Variants in MLLT3 observed in about 807,000 individuals in gnomAD.
The protein encoded by MLLT3 is protein AF-9.
MLLT3 carries 4 observed loss-of-function variants against 53.2 expected under a neutral mutation model. The observed-to-expected ratio is 0.08, with a 90% CI of 0.04 to 0.17. The LOEUF is 0.17. MLLT3 is among the 10% of genes least tolerant of loss of function. MLLT3 has a pLI of 1.00. For missense variants in MLLT3, 569 were observed against 684.0 expected, an observed-to-expected ratio of 0.83 and a Z score of 1.87; for synonymous variants, 283 against 230.6, an observed-to-expected ratio of 1.23 and a Z score of -2.06.
chr9:20,599,304 CAAAAAA>C (rs56820558), intron 2 of MLLT3, among the ~76,000 whole-genome samples: 1 of 66,670 alleles, frequency 1.5e-5, no homozygotes, highest in Non-Finnish European at 3.4e-5. Context: ...ACTCTGTCTC[CAAAAAA>C]AAAAAAAAAA....
At chr9:20,369,967 T>G (rs561717924) in intron 5 of MLLT3, among the ~76,000 whole-genome samples, 1 of 152,296 alleles carries the variant, frequency 6.6e-6, no homozygotes, top group East Asian at 1.9e-4. Flanking sequence ...GAGGTTCTGA[T>G]TTTTTCCCCT....
intron 4 of MLLT3, among the ~76,000 whole-genome samples, chr9:20,442,366 A>C (rs927667532): frequency 6.6e-6 from 1 of 152,192 alleles, no homozygotes; most frequent in African/African-American, 2.4e-5. Flanking sequence ...ACTCTAAGGA[A>C]TTTATCCTAC....
intron 2 of MLLT3, among the ~76,000 whole-genome samples, chr9:20,597,297 C>T (rs1820297898): frequency 6.6e-6 from 1 of 150,774 alleles, no homozygotes; most frequent in African/African-American, 2.4e-5. Flanking sequence ...TAGGGCCTTA[C>T]AAAGGTGTCT....
At chr9:20,523,829 G>C (rs1040588998) in intron 2 of MLLT3, among the ~76,000 whole-genome samples, 1 of 152,080 alleles carries the variant, frequency 6.6e-6, no homozygotes, top group African/African-American at 2.4e-5. Flanking sequence ...AAATTTGCCA[G>C]GCATTGTGGA....
At chr9:20,613,091 T>C (rs538841247) in intron 2 of MLLT3, among the ~76,000 whole-genome samples, 2 of 152,230 alleles carry the variant, frequency 1.3e-5, no homozygotes, top group East Asian at 3.9e-4. Context: ...CAGAAGAAAT[T>C]AAAGAGAATG....
chr9:20,516,146 C>T (rs1396981272), intron 2 of MLLT3, among the ~76,000 whole-genome samples: 1 of 152,194 alleles, frequency 6.6e-6, no homozygotes, highest in Admixed American at 6.5e-5. Flanking sequence ...TATCTCCTGA[C>T]TCCGCTAAGG....
intron 2 of MLLT3, among the ~76,000 whole-genome samples, chr9:20,501,878 C>T (rs1187938120): frequency 6.7e-6 from 1 of 149,850 alleles, no homozygotes; most frequent in African/African-American, 2.5e-5. Flanking sequence ...ACCAGGAGTT[C>T]GAGACTAGCC....
intron 2 of MLLT3, among the ~76,000 whole-genome samples, chr9:20,537,645 T>G (rs1422271660): frequency 6.6e-6 from 1 of 152,190 alleles, no homozygotes; most frequent in Non-Finnish European, 1.5e-5. Context: ...TTCAAATATT[T>G]GGACTAATTC....
chr9:20,580,860 G>C (rs1819773480), intron 2 of MLLT3, among the ~76,000 whole-genome samples: 1 of 152,194 alleles, frequency 6.6e-6, no homozygotes, highest in Non-Finnish European at 1.5e-5. Flanking sequence ...AACTGAACCA[G>C]AACTACAACA....
At chr9:20,392,050 T>C (rs538903035) in intron 5 of MLLT3, among the ~76,000 whole-genome samples, 1 of 152,298 alleles carries the variant, frequency 6.6e-6, no homozygotes, top group South Asian at 2.1e-4. Context: ...CAGCTCACCT[T>C]GTCGGTAAGC....
At chr9:20,389,713 A>G (rs1213774447) in intron 5 of MLLT3, among the ~76,000 whole-genome samples, 1 of 152,102 alleles carries the variant, frequency 6.6e-6, no homozygotes, top group African/African-American at 2.4e-5. Context: ...CCAAGAGTTC[A>G]AGGTTACAGT....
intron 2 of MLLT3, among the ~76,000 whole-genome samples, chr9:20,459,487 C>A (rs1470917342): frequency 1.3e-5 from 2 of 152,228 alleles, no homozygotes; most frequent in Admixed American, 1.3e-4. Flanking sequence ...CACTTCCAGG[C>A]TGCAAAGCCC....
chr9:20,533,834 C>T (rs1024630666), intron 2 of MLLT3, among the ~76,000 whole-genome samples: 3 of 152,124 alleles, frequency 2.0e-5, no homozygotes, highest in Non-Finnish European at 4.4e-5. Context: ...ACAGGTAGAA[C>T]CTAAAAACGC....
At chr9:20,614,173 T>A (rs1820767238) in intron 2 of MLLT3, among the ~76,000 whole-genome samples, 2 of 152,156 alleles carry the variant, frequency 1.3e-5, no homozygotes, top group African/African-American at 4.8e-5. Context: ...GGCGGGAGGA[T>A]CACCTGAGGT....
At chr9:20,548,705 G>C (rs1478520008) in intron 2 of MLLT3, among the ~76,000 whole-genome samples, 1 of 152,152 alleles carries the variant, frequency 6.6e-6, no homozygotes, top group Non-Finnish European at 1.5e-5. Flanking sequence ...TAAAAAGGCA[G>C]CAAGGAGCTG....
At chr9:20,444,788 C>G (rs1057233990) in intron 4 of MLLT3, among the ~76,000 whole-genome samples, 2 of 152,128 alleles carry the variant, frequency 1.3e-5, no homozygotes, top group African/African-American at 4.8e-5. Flanking sequence ...GGGAGGATCA[C>G]TTGAGCCCAG....
At chr9:20,458,604 C>T (rs1442553695) in intron 2 of MLLT3, among the ~76,000 whole-genome samples, 1 of 152,122 alleles carries the variant, frequency 6.6e-6, no homozygotes, top group African/African-American at 2.4e-5. Flanking sequence ...CCCTAGAGAG[C>T]TCTCTTGCCC....
At chr9:20,512,648 C>T (rs1817784309) in intron 2 of MLLT3, among the ~76,000 whole-genome samples, 1 of 152,178 alleles carries the variant, frequency 6.6e-6, no homozygotes, top group Non-Finnish European at 1.5e-5. Context: ...CATGTTATGT[C>T]ATTAAGCAAA....
chr9:20,349,797 C>T lies in MLLT3; in HGVS notation c.1576-3223G>A, dbSNP rs563249714. Among the ~76,000 whole-genome samples, 6 of 152,292 alleles carry T rather than the reference C, an allele frequency of 3.9e-5. No homozygotes were observed. In the South Asian group the frequency reaches 8.3e-4, roughly 21 times the overall value. ...ACCTCCTCTATCACCATGTTGTGCCCGGCCTGCAGCCACACATGCACAACA... is the reference window on the plus strand; with the variant it reads ...ACCTCCTCTATCACCATGTTGTGCCTGGCCTGCAGCCACACATGCACAACA... On this transcript the variant is annotated intron_variant, in intron 10 of 10. Coordinates refer to ENST00000380338, the MANE Select transcript of MLLT3 (RefSeq NM_004529.4).
Sources: allele counts gnomAD v4.1 joint callset (sites outside exome capture counted in the v4.1 genomes callset), GRCh38; gene constraint gnomAD v4.1.1; transcripts MANE v1.5; gene names NCBI Gene and HGNC (gene_info 2026-07-23, HGNC 2026-07-21).